ABCC4: variants seen among roughly 807,000 people sequenced by gnomAD.
The protein encoded by ABCC4 is ATP binding cassette subfamily C member 4 (PEL blood group).
ABCC4 carries 102 observed loss-of-function variants against 168.5 expected under a neutral mutation model. That is an observed-to-expected ratio of 0.61 (90% CI 0.52 to 0.71). The LOEUF (loss-of-function observed/expected upper bound fraction) is 0.71. Among genes scored for constraint, ABCC4 ranks in the 30% least tolerant of loss-of-function variants. ABCC4 has a pLI of 0.00. For synonymous variants in ABCC4, 617 were observed against 590.7 expected (o/e 1.04, Z -0.65); for missense variants, 1,402 against 1,605.8 (o/e 0.87, Z 2.17).
chr13:95,103,397 C>T (rs771320931), intron 20 of ABCC4, among the ~76,000 whole-genome samples: 2 of 152,234 alleles, frequency 1.3e-5, no homozygotes, highest in Non-Finnish European at 2.9e-5. Flanking sequence ...ATAAATGATG[C>T]TGGCTTCCTT....
chr13:95,024,747 G>C (rs1461688876), intron 30 of ABCC4, among the ~76,000 whole-genome samples: 1 of 152,138 alleles, frequency 6.6e-6, no homozygotes, highest in African/African-American at 2.4e-5. Context: ...TTGTCAAAGA[G>C]TAATGGAGAC....
chr13:95,106,548 A>T (rs1478112028), intron 20 of ABCC4, among the ~76,000 whole-genome samples: 3 of 151,394 alleles, frequency 2.0e-5, no homozygotes, highest in African/African-American at 4.9e-5. Flanking sequence ...AAAAAAAAAT[A>T]AAAAAAAGAA....
Position 95,300,890 on chromosome 13 carries a change from C to T in ABCC4, c.74+351G>A, listed in dbSNP as rs142317305. The stretch of plus-strand genomic sequence containing the variant: ...GTGTAAGGGGTGCAGTCGCTTCTCC[C>T]GCTGGGCAAGAGACTCCCCCTTTCG... On this transcript the variant is annotated intron_variant, in intron 1 of 30. Coordinates refer to ENST00000645237, the MANE Select transcript of ABCC4 (RefSeq NM_005845.5). Among the ~76,000 whole-genome samples the T allele has an allele frequency of 6.5e-3, 997 of 152,286 alleles. 8 individuals carry two copies. The highest frequency in any genetic ancestry group is 5.7e-3 in the Non-Finnish European group (391 of 68,004).
At chr13:95,069,338 G>C (rs1206518173) in intron 25 of ABCC4, among the ~76,000 whole-genome samples, 1 of 152,048 alleles carries the variant, frequency 6.6e-6, no homozygotes, top group Non-Finnish European at 1.5e-5. Context: ...ACTTTAAGAG[G>C]CTCAGGGTAC....
At chr13:95,119,370 G>A (rs193088532) in intron 19 of ABCC4, among the ~76,000 whole-genome samples, 2 of 152,180 alleles carry the variant, frequency 1.3e-5, no homozygotes, top group Admixed American at 6.5e-5. Flanking sequence ...ATCAGAAGCA[G>A]GAAACAACCG....
rs866370329 is a variant in ABCC4, at chr13:95,256,392, T to C, written c.75-8639A>G. ...CAGCAAGGCCCGTGTGGCCACCTGC[T>C]AGATGCAGGGCTCATTGTTGCCAAG... On this transcript the variant is annotated intron_variant, in intron 1 of 30. Coordinates refer to ENST00000645237, the MANE Select transcript of ABCC4 (RefSeq NM_005845.5). Among the ~76,000 whole-genome samples the C allele has an allele frequency of 5.4e-4, 83 of 152,372 alleles. 1 individual carries two copies. In the Middle Eastern group the frequency reaches 0.01, roughly 19 times the overall value.
chr13:95,157,048 C>T (rs539668151), intron 19 of ABCC4, among the ~76,000 whole-genome samples: 2 of 151,480 alleles, frequency 1.3e-5, no homozygotes, highest in African/African-American at 4.9e-5. Flanking sequence ...GCTGAGATCA[C>T]GCCACTGCAC....
At chr13:95,097,990 G>C (rs1309046736) in intron 20 of ABCC4, among the ~76,000 whole-genome samples, 1 of 151,936 alleles carries the variant, frequency 6.6e-6, no homozygotes, top group Non-Finnish European at 1.5e-5. Flanking sequence ...ACAAAAATTA[G>C]CTGGGTGTGG....
chr13:95,127,240 C>T (rs185753532), intron 19 of ABCC4, among the ~76,000 whole-genome samples: 28 of 152,128 alleles, frequency 1.8e-4, no homozygotes, highest in African/African-American at 5.8e-4. Context: ...TGTTCATCAT[C>T]GTCTTTTCGA....
At position 95,164,440 on chromosome 13, in the gene ABCC4, A is replaced by G; in HGVS notation, c.2113T>C (p.Phe705Leu). ...KVGFQAYKNY[F>L]RAGAHWIVFI... is the part of the protein sequence containing the mutation. ...ACAATCCAGTGAGCACCAGCTCTGA[A>G]GTAATTCTTATAGGCCTGAAAACCA... Residue 705 changes from phenylalanine (F) to leucine (L), a missense_variant, in exon 16 of 31, where the codon TTC (phenylalanine) becomes CTC (leucine). This residue lies in a region of ABCC4 where 1,007 missense variants were observed against 1,127.3 expected (regional missense o/e 0.89). Transcript: ENST00000645237. 6.2e-7 allele frequency: 1 copy of G among 1,614,212 alleles called. No homozygotes were observed. The highest frequency in any genetic ancestry group is 2.2e-5 in the East Asian group (1 of 44,872).
At chr13:95,223,093 G>C (rs1020937117) in intron 4 of ABCC4, among the ~76,000 whole-genome samples, 13 of 152,222 alleles carry the variant, frequency 8.5e-5, no homozygotes, top group Non-Finnish European at 1.8e-4. Flanking sequence ...CATCAAGTTA[G>C]AGAAGCTTGG....
chr13:95,072,471 AC>A (rs1464617068), intron 24 of ABCC4, among the ~76,000 whole-genome samples: 1 of 152,008 alleles, frequency 6.6e-6, no homozygotes, highest in Non-Finnish European at 1.5e-5. Flanking sequence ...CCTCACCCCT[AC>A]CCCCCAAAAA....
intron 1 of ABCC4, among the ~76,000 whole-genome samples, chr13:95,300,209 G>T (rs1194801333): frequency 6.6e-6 from 1 of 152,058 alleles, no homozygotes; most frequent in Non-Finnish European, 1.5e-5. Flanking sequence ...AAATGGGTAG[G>T]GCTGTGGGCC....
At chr13:95,138,223 A>G (rs2036201685) in intron 19 of ABCC4, among the ~76,000 whole-genome samples, 1 of 152,196 alleles carries the variant, frequency 6.6e-6, no homozygotes, top group Admixed American at 6.5e-5. Context: ...AATATTGGTC[A>G]TTATTTATAA....
chr13:95,242,173 A>G (rs2039965267), intron 3 of ABCC4, among the ~76,000 whole-genome samples: 2 of 152,166 alleles, frequency 1.3e-5, no homozygotes, highest in Admixed American at 6.6e-5. Flanking sequence ...ACACAAGACC[A>G]AAAAATGAAA....
intron 14 of ABCC4, among the ~76,000 whole-genome samples, chr13:95,166,911 G>T (rs2037292864): frequency 6.6e-6 from 1 of 152,132 alleles, no homozygotes; most frequent in South Asian, 2.1e-4. Flanking sequence ...CACAGGCCAG[G>T]TGCAGTGGCT....
chr13:95,099,499 AATAG>A (rs537788036), intron 20 of ABCC4, among the ~76,000 whole-genome samples: 4 of 152,352 alleles, frequency 2.6e-5, no homozygotes, highest in Admixed American at 6.5e-5. Flanking sequence ...CCTCAATAAA[AATAG>A]ATAGGGTAAA....
At chr13:95,117,599 T>C (rs2035423534) in intron 19 of ABCC4, among the ~76,000 whole-genome samples, 1 of 152,194 alleles carries the variant, frequency 6.6e-6, no homozygotes, top group African/African-American at 2.4e-5. Context: ...GTCGTCCTTC[T>C]TGTTATTTTT....
At chr13:95,098,989 G>A (rs970648215) in intron 20 of ABCC4, among the ~76,000 whole-genome samples, 5 of 152,176 alleles carry the variant, frequency 3.3e-5, no homozygotes, top group African/African-American at 1.2e-4. Flanking sequence ...GGTTTTTAAA[G>A]TGAACTTTAC....
Sources: allele counts gnomAD v4.1 joint callset (sites outside exome capture counted in the v4.1 genomes callset), GRCh38; gene constraint gnomAD v4.1.1; regional missense constraint gnomAD v4.1.1; transcripts MANE v1.5; gene names NCBI Gene and HGNC (gene_info 2026-07-23, HGNC 2026-07-21).